Variants in NEGR1 observed in about 807,000 individuals in gnomAD.
NEGR1 encodes neuronal growth regulator 1.
Under a neutral mutation model 40.9 loss-of-function variants are expected in NEGR1, and 10 were observed. The observed-to-expected ratio is 0.24, with a 90% CI of 0.15 to 0.42. The LOEUF is 0.42. Ranked by LOEUF, NEGR1 falls within the 10% of genes least tolerant of loss-of-function variation. The pLI, the probability that NEGR1 is intolerant of heterozygous loss-of-function variation, is 1.00. For synonymous variants in NEGR1, 185 were observed against 166.8 expected, an observed-to-expected ratio of 1.11 and a Z score of -0.84; for missense variants, 352 against 438.9, an observed-to-expected ratio of 0.80 and a Z score of 1.77.
At chr1:71,642,040 T>C (rs1379150926) in intron 4 of NEGR1, among the ~76,000 whole-genome samples, 1 of 151,966 alleles carries the variant, frequency 6.6e-6, no homozygotes, top group Non-Finnish European at 1.5e-5. Context: ...TTCCCATTTG[T>C]CATCATCTCA....
At chr1:71,497,971 A>T (rs1646976062) in intron 6 of NEGR1, among the ~76,000 whole-genome samples, 1 of 152,012 alleles carries the variant, frequency 6.6e-6, no homozygotes, top group Admixed American at 6.6e-5. Context: ...ACAAATGTAC[A>T]CTGAATTAAA....
chr1:71,842,182 C>T (rs918832937), intron 2 of NEGR1, among the ~76,000 whole-genome samples: 8 of 152,106 alleles, frequency 5.3e-5, no homozygotes, highest in Non-Finnish European at 8.8e-5. Flanking sequence ...TGCTGCTTGA[C>T]GATCTGGCTT....
At chr1:71,771,517 A>G (rs1656322942) in intron 3 of NEGR1, among the ~76,000 whole-genome samples, 1 of 151,916 alleles carries the variant, frequency 6.6e-6, no homozygotes, top group African/African-American at 2.4e-5. Flanking sequence ...CCTGACCAAC[A>G]TGGAGAAACC....
In NEGR1 at chr1:71,454,805, G is replaced by A. The variant is rs562536139; in HGVS notation, c.941-47235C>T. Among the ~76,000 whole-genome samples the A allele has an allele frequency of 5.9e-5, 9 of 152,286 alleles. No homozygotes were observed. In the South Asian group the frequency reaches 1.9e-3, roughly 32 times the overall value. On this transcript the variant is annotated intron_variant, in intron 6 of 6. Transcript: ENST00000357731. Reference sequence around the variant, plus strand: ...TATACCACAGATTGGGGGATAAAATGTAATAACAAATGCAAAAAGTCTTTA... The same window carrying A: ...TATACCACAGATTGGGGGATAAAATATAATAACAAATGCAAAAAGTCTTTA...
chr1:72,062,195 C>A (rs1278598275), intron 1 of NEGR1, among the ~76,000 whole-genome samples: 1 of 151,822 alleles, frequency 6.6e-6, no homozygotes, highest in African/African-American at 2.4e-5. Flanking sequence ...TTCCTCCTCA[C>A]CTCTGTTTAT....
chr1:72,002,565 T>A (rs1646567293), intron 1 of NEGR1, among the ~76,000 whole-genome samples: 1 of 152,126 alleles, frequency 6.6e-6, no homozygotes, highest in Non-Finnish European at 1.5e-5. Context: ...AAAAGAGAAT[T>A]ATAATTGTTT....
intron 6 of NEGR1, among the ~76,000 whole-genome samples, chr1:71,526,802 C>T (rs1012865275): frequency 1.3e-5 from 2 of 151,682 alleles, no homozygotes; most frequent in South Asian, 2.1e-4. Flanking sequence ...AATAATCAGC[C>T]TATGCCTACG....
At chr1:71,776,409 T>A (rs1656510269) in intron 2 of NEGR1, 112 bp from the exon 3 acceptor site, 2 of 505,670 alleles carry the variant, frequency 4.0e-6, no homozygotes, top group Non-Finnish European at 6.6e-6. Context: ...GAAATGTATA[T>A]ATGGCCTATG....
intron 2 of NEGR1, among the ~76,000 whole-genome samples, chr1:71,874,014 C>T (rs1019167417): frequency 5.3e-5 from 8 of 152,068 alleles, no homozygotes; most frequent in South Asian, 2.1e-4. Flanking sequence ...AAGAGTGCTT[C>T]GATTTGCTAT....
intron 3 of NEGR1, among the ~76,000 whole-genome samples, chr1:71,727,416 T>A (rs1207151445): frequency 6.6e-6 from 1 of 152,156 alleles, no homozygotes. Flanking sequence ...TGATAAAAGA[T>A]TGCATTAGTA....
At chr1:71,822,829 A>G (rs1658479556) in intron 2 of NEGR1, among the ~76,000 whole-genome samples, 1 of 152,004 alleles carries the variant, frequency 6.6e-6, no homozygotes, top group Non-Finnish European at 1.5e-5. Context: ...AAAGAGGTAC[A>G]TGAATGGACT....
chr1:71,800,765 C>G (rs760659690), intron 2 of NEGR1, among the ~76,000 whole-genome samples: 3 of 152,092 alleles, frequency 2.0e-5, no homozygotes, highest in Non-Finnish European at 4.4e-5. Flanking sequence ...TTTCACTAAT[C>G]CTCCCATTCT....
intron 6 of NEGR1, among the ~76,000 whole-genome samples, chr1:71,445,440 G>T (rs975459692): frequency 1.3e-5 from 2 of 151,450 alleles, no homozygotes; most frequent in Admixed American, 6.6e-5. Context: ...TCCAAATATT[G>T]TTACACTTGA....
intron 2 of NEGR1, among the ~76,000 whole-genome samples, chr1:71,873,888 T>C (rs1660350961): frequency 1.3e-5 from 2 of 152,140 alleles, no homozygotes; most frequent in African/African-American, 4.8e-5. Context: ...GCTTTGAACA[T>C]AATCCAAGAT....
intron 3 of NEGR1, among the ~76,000 whole-genome samples, chr1:71,730,293 G>A (rs945593174): frequency 6.6e-6 from 1 of 151,956 alleles, no homozygotes; most frequent in Non-Finnish European, 1.5e-5. Flanking sequence ...GAAAACAACA[G>A]GAAATGATTT....
rs1232734597 is a variant in NEGR1, at chr1:71,623,038, AT to A, written c.668-11893del. ...AAAATTCAGTTATTATCATTGTTTAATTCTATAAAATGAATAATTCATTTTG... is the reference window on the plus strand; with the variant it reads ...AAAATTCAGTTATTATCATTGTTTAATCTATAAAATGAATAATTCATTTTG... On this transcript the variant is annotated intron_variant, in intron 4 of 6. Coordinates refer to ENST00000357731, the MANE Select transcript of NEGR1 (RefSeq NM_173808.3). 3.3e-5 allele frequency among the ~76,000 whole-genome samples: 5 copies of A among 152,068 alleles called. No homozygotes were observed. The East Asian group carries it at 9.7e-4, about 29-fold the overall frequency.
intron 2 of NEGR1, among the ~76,000 whole-genome samples, chr1:71,781,689 T>C (rs1286883366): frequency 2.0e-5 from 3 of 152,212 alleles, no homozygotes; most frequent in African/African-American, 7.2e-5. Flanking sequence ...GGTCAGGATA[T>C]AAAATCAAAG....
At chr1:72,025,837 A>C (rs570835930) in intron 1 of NEGR1, among the ~76,000 whole-genome samples, 30 of 152,122 alleles carry the variant, frequency 2.0e-4, no homozygotes, top group African/African-American at 6.3e-4. Context: ...ATTGGCCGGG[A>C]GCGGTGGCTC....
intron 1 of NEGR1, among the ~76,000 whole-genome samples, chr1:72,116,804 C>A (rs914049200): frequency 3.3e-5 from 5 of 151,684 alleles, no homozygotes; most frequent in African/African-American, 1.2e-4. Context: ...TCATCTATTT[C>A]TTTAGAAACA....
Sources: gnomAD v4.1 joint callset for allele counts (sites outside exome capture counted in the v4.1 genomes callset) on GRCh38, gnomAD v4.1.1 for gene constraint, MANE v1.5 for transcripts, NCBI Gene and HGNC (gene_info 2026-07-23, HGNC 2026-07-21) for gene names.